POGK: variants seen among roughly 807,000 people sequenced by gnomAD.
POGK encodes the protein pogo transposable element derived with KRAB domain, also known as pogo transposable element with KRAB domain.
POGK carries 16 observed loss-of-function variants against 54.4 expected under a neutral mutation model. The ratio of observed to expected loss-of-function variants is 0.29; its 90% confidence interval spans 0.20 to 0.45. The LOEUF is 0.45. Among genes scored for constraint, POGK ranks in the 20% least tolerant of loss-of-function variants. The probability of loss-of-function intolerance (pLI) is 1.00; values close to 1 mark genes in which losing one functional copy is unlikely to be tolerated. For missense variants in POGK, 515 were observed against 795.6 expected, an observed-to-expected ratio of 0.65 and a Z score of 4.24; for synonymous variants, 271 against 302.2, an observed-to-expected ratio of 0.90 and a Z score of 1.07.
At chr1:166,843,155 G>T (rs1657609121) in intron 2 of POGK, among the ~76,000 whole-genome samples, 1 of 152,232 alleles carries the variant, frequency 6.6e-6, no homozygotes, top group African/African-American at 2.4e-5. Flanking sequence ...GAAGGGGGTT[G>T]CATTCCAGGC....
intron 2 of POGK, among the ~76,000 whole-genome samples, chr1:166,844,642 A>G (rs905461970): frequency 6.6e-6 from 1 of 152,248 alleles, no homozygotes; most frequent in Admixed American, 6.5e-5. Flanking sequence ...ATTTGCCTAG[A>G]TCGTATATTC....
chr1:166,850,284 A>G lies in POGK; in HGVS notation c.1705A>G (p.Lys569Glu). Residue 569 changes from lysine to glutamate, a missense_variant, in exon 5 of 6, where the codon AAG (lysine) becomes GAG (glutamate). Around this residue, in one of 2 missense-constraint regions of POGK, gnomAD observed 461 missense variants for 743.5 expected, o/e 0.62. Coordinates refer to ENST00000367876, the MANE Select transcript of POGK (RefSeq NM_017542.5). ...SSESIVQGFKKCHISSNLEEE... is the reference protein window; with the variant it reads ...SSESIVQGFKECHISSNLEEE... ...TGAGTCCATCGTCCAAGGGTTCAAG[A>G]AGTGCCATATCTCCAGCAACTTGGA... The G allele has an allele frequency of 6.3e-7, 1 of 1,592,134 alleles. No individual in the cohort carries two copies. The highest frequency in any genetic ancestry group is 8.6e-7 in the Non-Finnish European group (1 of 1,167,842).
rs185323093 is a variant in POGK at position 166,841,353 on chromosome 1, A to T, written c.132+265A>T. On this transcript the variant is annotated intron_variant, in intron 2 of 5. Transcript: ENST00000367876. ...AGGACCTTGTCTCTCTCGTTCACCC[A>T]CTTATCCTGCACTGCGTTTGATGCC... is the stretch of plus-strand genomic sequence containing the variant. Among the ~76,000 whole-genome samples the T allele has an allele frequency of 2.7e-3, 408 of 152,330 alleles. 1 individual carries two copies. Among genetic ancestry groups the T allele is most frequent in the African/African-American group, 9.5e-3 (395 of 41,572 alleles).
At chr1:166,840,203 A>G (rs1342077523) in intron 1 of POGK, 3 of 152,266 alleles carry the variant, frequency 2.0e-5, no homozygotes, top group African/African-American at 7.2e-5. Context: ...CCGCGCCCAT[A>G]GAGGGCAGGA....
rs1658146746 is a variant in POGK, at chr1:166,853,258, A to G, written c.*688A>G. On this transcript the variant is annotated 3_prime_UTR_variant, in exon 6 of 6. Transcript: ENST00000367876. ...AGGTTAAAATAAACTATGCTGTTTT[A>G]TTTATCTTCCCAACCTGATTGGCAG... 1 of 152,644 alleles carries G rather than the reference A, an allele frequency of 6.6e-6. No homozygotes were observed. Among genetic ancestry groups the G allele is most frequent in the Non-Finnish European group, 1.5e-5 (1 of 68,034 alleles). 9.5% of individuals were successfully genotyped at this position (152,644 alleles called of 1,614,324 possible). A position where few individuals can be genotyped will look rare whatever the true frequency, so the allele number is the denominator to read the frequency against.
Position 166,849,552 on chromosome 1 carries a change from G to C in POGK, c.973G>C (p.Val325Leu). Residue 325 changes from valine (V) to leucine (L), a missense_variant, in exon 5 of 6, where the codon GTG becomes CTG. Val to Leu is a conservative substitution (Grantham distance 32). This residue lies in a region of POGK where 461 missense variants were observed against 743.5 expected (regional missense o/e 0.62). Coordinates refer to ENST00000367876, the MANE Select transcript of POGK (RefSeq NM_017542.5). ...GTATGACCTGTCTCTGAGGCATAAA[G>C]TGCCCGTGCCCCAGCACCTGCCGGA... ...RRYDLSLRHK[V>L]PVPQHLPEDL... 1 of 1,614,292 alleles carries C rather than the reference G, an allele frequency of 6.2e-7. No individual in the cohort carries two copies. The highest frequency in any genetic ancestry group is 8.5e-7 in the Non-Finnish European group (1 of 1,180,058).
chr1:166,845,771 T>G (rs1557899293), intron 2 of POGK, among the ~76,000 whole-genome samples: 1 of 152,046 alleles, frequency 6.6e-6, no homozygotes. Context: ...AGAAATACAG[T>G]TAAAAACAAA....
chr1:166,850,587 T>C, intron 5 of POGK, 164 bp downstream of exon 5: 1 of 723,786 alleles, frequency 1.4e-6, no homozygotes. Context: ...TACTGGTCCA[T>C]GGCCTGTCAG....
chr1:166,842,985 T>C (rs1056225040), intron 2 of POGK, among the ~76,000 whole-genome samples: 2 of 152,210 alleles, frequency 1.3e-5, no homozygotes, highest in African/African-American at 2.4e-5. Flanking sequence ...TAGAGAATTA[T>C]GTTAGGGTGA....
In POGK at chr1:166,850,324, T is replaced by C; in HGVS notation, c.1745T>C (p.Val582Ala). Residue 582 changes from valine to alanine, a missense_variant, in exon 5 of 6, where the codon GTC becomes GCC. Val to Ala is a moderately conservative substitution (Grantham distance 64, BLOSUM62 0). Around this residue, in one of 2 missense-constraint regions of POGK, gnomAD observed 461 missense variants for 743.5 expected, o/e 0.62. Transcript: ENST00000367876. Reference protein sequence around the residue: ...ISSNLEEEDDVLWEIESELPG... With the variant: ...ISSNLEEEDDALWEIESELPG... ...AGCAACTTGGAGGAGGAAGACGATG[T>C]CCTGTGGGAAATCGAGAGTGAGTTG... 1 of 1,611,988 alleles carries C rather than the reference T, an allele frequency of 6.2e-7. No individual in the cohort carries two copies. The highest frequency in any genetic ancestry group is 1.3e-5 in the African/African-American group (1 of 74,992).
At position 166,844,252 on chromosome 1, in the gene POGK, C is replaced by G. The variant is rs183840933; in HGVS notation, c.133-2360C>G. Among the ~76,000 whole-genome samples, 454 of 152,282 alleles carry G rather than the reference C, an allele frequency of 3.0e-3. 1 individual carries two copies. The highest frequency in any genetic ancestry group is 0.01 in the African/African-American group (429 of 41,556). On this transcript the variant is annotated intron_variant, in intron 2 of 5. Coordinates refer to ENST00000367876, the MANE Select transcript of POGK (RefSeq NM_017542.5). Reference sequence around the variant, plus strand: ...ACCAGGCCTAGAATATGTTACCCCCCCTAAGAGTATTGATGGCCCCTCTGA... The same window carrying G: ...ACCAGGCCTAGAATATGTTACCCCCGCTAAGAGTATTGATGGCCCCTCTGA...
chr1:166,845,067 A>G (rs1412109955), intron 2 of POGK, among the ~76,000 whole-genome samples: 2 of 152,108 alleles, frequency 1.3e-5, no homozygotes, highest in Non-Finnish European at 2.9e-5. Flanking sequence ...GTTGAGGGTT[A>G]GTCATCAGGG....
rs142597899 is a variant in POGK, at chr1:166,843,788, C to T, written c.132+2700C>T. The stretch of plus-strand genomic sequence containing the variant: ...TGGAATGCCAACTTCCTGAGCAGAG[C>T]AAGGCAGTGCACACAAGCTAGAGGA... On this transcript the variant is annotated intron_variant, in intron 2 of 5. Coordinates refer to ENST00000367876, the MANE Select transcript of POGK (RefSeq NM_017542.5). 8.5e-4 allele frequency among the ~76,000 whole-genome samples: 129 copies of T among 152,332 alleles called. 1 individual carries two copies. Among genetic ancestry groups the T allele is most frequent in the Non-Finnish European group, 1.7e-3 (116 of 68,040 alleles).
intron 5 of POGK, 186 bp downstream of exon 5, chr1:166,850,609 C>T (rs866342824): frequency 1.3e-5 from 8 of 595,774 alleles, no homozygotes; most frequent in Middle Eastern, 9.0e-4. Flanking sequence ...AACTGGGCTG[C>T]ACAGCAGGAG....
Position 166,854,191 on chromosome 1 carries a change from G to C in POGK, c.*1621G>C, listed in dbSNP as rs540308634. On this transcript the variant is annotated 3_prime_UTR_variant, in exon 6 of 6. Transcript: ENST00000367876. Reference sequence around the variant, plus strand: ...AGAAAATGGGTTCAACTCCTGTTTCGCTCCACCAACACCTCTGTGAGTCTC... The same window carrying C: ...AGAAAATGGGTTCAACTCCTGTTTCCCTCCACCAACACCTCTGTGAGTCTC... The C allele has an allele frequency of 3.8e-4, 58 of 152,602 alleles. No individual in the cohort carries two copies. Among genetic ancestry groups the C allele is most frequent in the African/African-American group, 1.4e-3 (57 of 41,508 alleles). The allele number at this position is 152,602 out of a possible 1,614,324, so 9.5% of individuals were successfully genotyped here.
chr1:166,847,797 G>C (rs1212248788), intron 4 of POGK, among the ~76,000 whole-genome samples: 1 of 152,188 alleles, frequency 6.6e-6, no homozygotes, highest in African/African-American at 2.4e-5. Context: ...TCCTCTATCA[G>C]CTCTGAGTAA....
At chr1:166,844,247 C>G (rs1238965145) in intron 2 of POGK, among the ~76,000 whole-genome samples, 1 of 152,032 alleles carries the variant, frequency 6.6e-6, no homozygotes, top group Admixed American at 6.6e-5. Flanking sequence ...GAATATGTTA[C>G]CCCCCCTAAG....
Position 166,849,821 on chromosome 1 carries a change from C to T in POGK, c.1242C>T (p.Tyr414=). The T allele has an allele frequency of 1.2e-6, 2 of 1,614,260 alleles. No individual in the cohort carries two copies. The highest frequency in any genetic ancestry group is 1.3e-5 in the African/African-American group (1 of 75,076). The change falls in exon 5 of 6, where the codon TAC becomes TAT. Residue 414 remains tyrosine, a synonymous_variant. Transcript: ENST00000367876. ...CTGATGGGAGGAAGTTACCACCGTA[C>T]ATCATTTTGAGGGGAACATATATCC... ...VLADGRKLPP[Y]IILRGTYIPP...
At position 166,849,511 on chromosome 1, in the gene POGK, G is replaced by A. The variant is rs1657973655; in HGVS notation, c.932G>A (p.Arg311Gln). The A allele has an allele frequency of 3.1e-6, 5 of 1,614,144 alleles. No homozygotes were observed. The highest frequency in any genetic ancestry group is 4.2e-6 in the Non-Finnish European group (5 of 1,180,052). ...TTCAAGGCAAGCTTGGGTTGGTGTC[G>A]AAGAATGATGAGAAGGTATGACCTG... is the stretch of plus-strand genomic sequence containing the variant. ...KGFKASLGWC[R>Q]RMMRRYDLSL... The change falls in exon 5 of 6, where the codon CGA (arginine) becomes CAA (glutamine). Residue 311 changes from arginine (R) to glutamine (Q), a missense_variant. Arg to Gln is a conservative substitution (Grantham distance 43). This residue lies in a region of POGK where 461 missense variants were observed against 743.5 expected (regional missense o/e 0.62). Transcript: ENST00000367876.
Sources: allele counts gnomAD v4.1 joint callset (sites outside exome capture counted in the v4.1 genomes callset), GRCh38; gene constraint gnomAD v4.1.1; regional missense constraint gnomAD v4.1.1; transcripts MANE v1.5; gene names NCBI Gene and HGNC (gene_info 2026-07-23, HGNC 2026-07-21).